Variants in DSCAM observed in about 807,000 individuals in gnomAD.
DSCAM encodes the protein cell adhesion molecule DSCAM.
In DSCAM, 47 loss-of-function variants were observed where a neutral mutation model predicts 217.7. The ratio of observed to expected loss-of-function variants is 0.22; its 90% CI spans 0.17 to 0.28. DSCAM has a LOEUF of 0.28. Among genes scored for constraint, DSCAM ranks in the 10% least tolerant of loss-of-function variants. The pLI, the probability that DSCAM is intolerant of heterozygous loss-of-function variation, is 1.00. For missense variants in DSCAM, 2,080 were observed against 2,618.3 expected, an observed-to-expected ratio of 0.79 and a Z score of 4.49; for synonymous variants, 1,056 against 1,015.3, an observed-to-expected ratio of 1.04 and a Z score of -0.76.
intron 1 of DSCAM, among the ~76,000 whole-genome samples, chr21:40,814,896 T>C (rs1295492005): frequency 2.0e-5 from 3 of 152,230 alleles, no homozygotes; most frequent in Non-Finnish European, 4.4e-5. Flanking sequence ...CTTGTATTCT[T>C]ATTCATGAAA....
intron 1 of DSCAM, among the ~76,000 whole-genome samples, chr21:40,738,228 A>G (rs2091084334): frequency 2.6e-5 from 4 of 152,234 alleles, no homozygotes; most frequent in Non-Finnish European, 4.4e-5. Context: ...AAATTTTACC[A>G]AGAAACTAAA....
intron 3 of DSCAM, among the ~76,000 whole-genome samples, chr21:40,690,724 G>A (rs2090529409): frequency 1.3e-5 from 2 of 152,136 alleles, no homozygotes; most frequent in African/African-American, 4.8e-5. Flanking sequence ...AATAAAGTCT[G>A]TTCACAGAGA....
chr21:40,845,903 A>G (rs993491676), intron 1 of DSCAM, among the ~76,000 whole-genome samples: 11 of 152,204 alleles, frequency 7.2e-5, no homozygotes, highest in African/African-American at 2.7e-4. Context: ...CTAAATACCC[A>G]GGAAGAAATC....
chr21:40,125,923 G>A (rs575394678), intron 19 of DSCAM, among the ~76,000 whole-genome samples: 228 of 152,288 alleles, frequency 1.5e-3, no homozygotes, highest in South Asian at 4.8e-3. Context: ...CCCCTGGTTG[G>A]TGTTCACCAC....
chr21:40,795,421 G>A (rs2091683380), intron 1 of DSCAM, among the ~76,000 whole-genome samples: 1 of 151,864 alleles, frequency 6.6e-6, no homozygotes, highest in South Asian at 2.1e-4. Flanking sequence ...ATTCCCCTTG[G>A]CTAACTAAAT....
At chr21:40,521,360 T>C (rs773103604) in intron 3 of DSCAM, among the ~76,000 whole-genome samples, 1 of 152,230 alleles carries the variant, frequency 6.6e-6, no homozygotes, top group Non-Finnish European at 1.5e-5. Flanking sequence ...CTTTACTAAT[T>C]TTTATTCCCA....
chr21:40,647,003 G>A (rs1404643041), intron 3 of DSCAM, among the ~76,000 whole-genome samples: 1 of 152,196 alleles, frequency 6.6e-6, no homozygotes, highest in South Asian at 2.1e-4. Flanking sequence ...AAGACACAAA[G>A]TTGTTCAAAT....
At chr21:40,501,730 T>C (rs1291754653) in intron 3 of DSCAM, among the ~76,000 whole-genome samples, 1 of 152,184 alleles carries the variant, frequency 6.6e-6, no homozygotes, top group Non-Finnish European at 1.5e-5. Context: ...TAGCTGAGAT[T>C]ACAGGCATGC....
At chr21:40,619,824 A>G (rs1208341359) in intron 3 of DSCAM, among the ~76,000 whole-genome samples, 2 of 149,298 alleles carry the variant, frequency 1.3e-5, no homozygotes, top group Non-Finnish European at 3.0e-5. Context: ...TTGAACAGAG[A>G]AGATTTTAAG....
At chr21:40,346,718 A>G (rs1239960444) in intron 6 of DSCAM, among the ~76,000 whole-genome samples, 1 of 152,206 alleles carries the variant, frequency 6.6e-6, no homozygotes, top group African/African-American at 2.4e-5. Context: ...CTGTTATTAT[A>G]CCACAAAATA....
chr21:40,193,401 A>C lies in DSCAM; in HGVS notation c.2357-4163T>G, dbSNP rs145000714. 3.5e-3 allele frequency among the ~76,000 whole-genome samples: 533 copies of C among 152,328 alleles called. 6 individuals are homozygous for C. Among genetic ancestry groups the C allele is most frequent in the African/African-American group, 0.012 (515 of 41,554 alleles). ...ATAATTAGAGATCTCAAAGCCAACAAAAGTAACCTAAATTACAAAACTGTG... is the reference window on the plus strand; with the variant it reads ...ATAATTAGAGATCTCAAAGCCAACACAAGTAACCTAAATTACAAAACTGTG... On this transcript the variant is annotated intron_variant, in intron 11 of 32. Coordinates refer to ENST00000400454, the MANE Select transcript of DSCAM (RefSeq NM_001389.5).
chr21:40,527,156 C>A (rs994002722), intron 3 of DSCAM, among the ~76,000 whole-genome samples: 1 of 152,074 alleles, frequency 6.6e-6, no homozygotes, highest in Admixed American at 6.5e-5. Flanking sequence ...ACAGGTGAAG[C>A]TCTCACTTCC....
At chr21:40,598,441 G>A (rs757995956) in intron 3 of DSCAM, among the ~76,000 whole-genome samples, 2 of 150,444 alleles carry the variant, frequency 1.3e-5, no homozygotes, top group Non-Finnish European at 1.5e-5. Context: ...GCCAAGAAGC[G>A]TGATTGCTGG....
At chr21:40,263,833 G>C (rs1004050263) in intron 11 of DSCAM, among the ~76,000 whole-genome samples, 4 of 151,972 alleles carry the variant, frequency 2.6e-5, no homozygotes, top group Non-Finnish European at 4.4e-5. Flanking sequence ...AAAGAAAGAA[G>C]ATTCAGATAA....
chr21:40,721,932 CAT>C (rs1425676533), intron 1 of DSCAM, among the ~76,000 whole-genome samples: 2 of 151,832 alleles, frequency 1.3e-5, no homozygotes, highest in Non-Finnish European at 2.9e-5. Flanking sequence ...AAAATAAATA[CAT>C]GTTATATTTA....
intron 11 of DSCAM, among the ~76,000 whole-genome samples, chr21:40,250,952 A>G (rs2073295494): frequency 6.6e-6 from 1 of 152,236 alleles, no homozygotes; most frequent in Non-Finnish European, 1.5e-5. Context: ...CTGGGCACTG[A>G]TAACACCACA....
intron 9 of DSCAM, among the ~76,000 whole-genome samples, chr21:40,303,088 C>T (rs2074034202): frequency 6.6e-6 from 1 of 152,056 alleles, no homozygotes; most frequent in Non-Finnish European, 1.5e-5. Context: ...GGAGGGGGTG[C>T]ATGGATAAAT....
intron 2 of DSCAM, among the ~76,000 whole-genome samples, chr21:40,695,700 G>A (rs1427974067): frequency 1.3e-5 from 2 of 152,212 alleles, no homozygotes; most frequent in Admixed American, 1.3e-4. Context: ...CACACAAGAG[G>A]TGTTCAATAC....
At chr21:40,570,835 A>C (rs895797349) in intron 3 of DSCAM, among the ~76,000 whole-genome samples, 2 of 152,328 alleles carry the variant, frequency 1.3e-5, no homozygotes, top group African/African-American at 4.8e-5. Flanking sequence ...ATAAAACACA[A>C]AGAAATTAAA....
Sources: allele counts gnomAD v4.1 joint callset (sites outside exome capture counted in the v4.1 genomes callset), GRCh38; gene constraint gnomAD v4.1.1; transcripts MANE v1.5; gene names NCBI Gene and HGNC (gene_info 2026-07-23, HGNC 2026-07-21).